Variants in PCDHA6 observed in about 807,000 individuals in gnomAD.
The protein encoded by PCDHA6 is protocadherin alpha 6.
Under a neutral mutation model 60.3 loss-of-function variants are expected in PCDHA6, and 55 were observed. That is an observed-to-expected ratio of 0.91 (90% confidence interval 0.73 to 1.14). The LOEUF is 1.14. PCDHA6 is among the 50% of genes most tolerant of loss of function. The pLI is 0.00. For missense variants in PCDHA6, 1,327 were observed against 1,256.5 expected, an observed-to-expected ratio of 1.06 and a Z score of -0.85; for synonymous variants, 652 against 557.9, an observed-to-expected ratio of 1.17 and a Z score of -2.38.
At chr5:140,960,508 A>C (rs1026528724) in intron 1 of PCDHA6, among the ~76,000 whole-genome samples, 10 of 152,190 alleles carry the variant, frequency 6.6e-5, no homozygotes, top group Non-Finnish European at 1.3e-4. Context: ...TCCAAGCAGC[A>C]AACATAATGG....
chr5:141,009,539 C>G lies in PCDHA6; in HGVS notation c.2543-88C>G, dbSNP rs141154047. 10,440 of 1,522,742 alleles carry G rather than the reference C, an allele frequency of 6.9e-3. 51 individuals are homozygous for G. Among genetic ancestry groups the G allele is most frequent in the Admixed American group, 0.011 (516 of 46,760 alleles). 94.3% of individuals were successfully genotyped at this position (1,522,742 alleles called of 1,614,324 possible). A position where few individuals can be genotyped will look rare whatever the true frequency, so the allele number is the denominator to read the frequency against. ...ATTTTTCTGGGGAGGTTCAGCCTGC[C>G]TATGCAGTACTCCTGTACTCTACCA... On this transcript the variant is annotated intron_variant, in intron 3 of 3. Transcript: ENST00000529310.
At chr5:140,883,395 A>G (rs892476136) in intron 1 of PCDHA6, 2 of 1,614,048 alleles carry the variant, frequency 1.2e-6, no homozygotes, top group African/African-American at 1.3e-5. Context: ...AGTGTGTCCG[A>G]TCGTGACTCT....
chr5:140,850,792 A>C (rs1280178447), intron 1 of PCDHA6: 1 of 1,598,354 alleles, frequency 6.3e-7, no homozygotes, highest in African/African-American at 1.3e-5. Flanking sequence ...GGTAAGCAGA[A>C]GACCGACCTC....
intron 1 of PCDHA6, among the ~76,000 whole-genome samples, chr5:140,937,827 G>A (rs1328688983): frequency 2.6e-5 from 4 of 151,564 alleles, no homozygotes; most frequent in Non-Finnish European, 5.9e-5. Context: ...CAGGAGAATG[G>A]CATGAACCTG....
intron 1 of PCDHA6, among the ~76,000 whole-genome samples, chr5:140,972,656 C>T (rs1428322208): frequency 6.9e-6 from 1 of 144,688 alleles, no homozygotes; most frequent in Non-Finnish European, 1.5e-5. Context: ...TAAAAAGAAA[C>T]CAAATTTTTT....
rs201090787 is a variant in PCDHA6, at chr5:140,876,840, G to A, written c.2394+46355G>A. On this transcript the variant is annotated intron_variant, in intron 1 of 3. Coordinates refer to ENST00000529310, the MANE Select transcript of PCDHA6 (RefSeq NM_018909.4). Reference sequence around the variant, plus strand: ...TGAACGACAATGCGCCTGCGTTCGCGCAGCCCGAGTACACAGTGTTCGTGA... The same window carrying A: ...TGAACGACAATGCGCCTGCGTTCGCACAGCCCGAGTACACAGTGTTCGTGA... 2.5e-6 allele frequency: 4 copies of A among 1,614,166 alleles called. No homozygotes were observed. In the East Asian group the frequency reaches 6.7e-5, roughly 27 times the overall value.
At chr5:140,927,133 G>A (rs2083881073) in intron 1 of PCDHA6, 16 of 1,613,984 alleles carry the variant, frequency 9.9e-6, no homozygotes, top group Non-Finnish European at 1.4e-5. Context: ...CAGAGAGCCG[G>A]CGGACCGCGA....
chr5:140,928,161 C>G (rs155820), intron 1 of PCDHA6: 543,775 of 1,613,884 alleles, frequency 0.34, 93,301 homozygotes, highest in East Asian at 0.51. Flanking sequence ...GTGGCTCACC[C>G]CCACTTAGCA....
intron 1 of PCDHA6, among the ~76,000 whole-genome samples, chr5:140,924,437 T>C (rs2081836231): frequency 6.6e-6 from 1 of 152,206 alleles, no homozygotes; most frequent in Non-Finnish European, 1.5e-5. Flanking sequence ...CTAGAAGAGA[T>C]AACGAATGGG....
rs2150156206 is a variant in PCDHA6 at position 140,828,508 on chromosome 5, A to G, written c.417A>G (p.Arg139=). The change falls in exon 1 of 4, where the codon AGA becomes AGG. Residue 139 remains arginine, a synonymous_variant. Coordinates refer to ENST00000529310, the MANE Select transcript of PCDHA6 (RefSeq NM_018909.4). ...CCTTGTTCCCGGTAGAGGAACAAAG[A>G]GTGCTGATTTACGAATCTAGGCTGC... ...NPPLFPVEEQ[R]VLIYESRLPD... 2.5e-6 allele frequency: 4 copies of G among 1,614,216 alleles called. No individual in the cohort carries two copies. The highest frequency in any genetic ancestry group is 3.4e-6 in the Non-Finnish European group (4 of 1,180,044).
intron 1 of PCDHA6, chr5:140,835,406 G>T: frequency 6.2e-7 from 1 of 1,613,974 alleles, no homozygotes; most frequent in Non-Finnish European, 8.5e-7. Context: ...TGGAAGTTGT[G>T]GATGTAAATG....
In PCDHA6 at chr5:140,870,774, G is replaced by T. The variant is rs782539037; in HGVS notation, c.2394+40289G>T. The T allele has an allele frequency of 2.9e-5, 47 of 1,613,632 alleles. 1 individual carries two copies. The South Asian group carries it at 3.8e-4, about 13-fold the overall frequency. On this transcript the variant is annotated intron_variant, in intron 1 of 3. Coordinates refer to ENST00000529310, the MANE Select transcript of PCDHA6 (RefSeq NM_018909.4). ...CGCTGCAGGTGTTCGTGCTGGACGA[G>T]AACGACAACGCGCCGGCACTGCTGG...
chr5:140,924,900 AAAAAAT>A (rs2082118159), intron 1 of PCDHA6, among the ~76,000 whole-genome samples: 2 of 63,328 alleles, frequency 3.2e-5, no homozygotes, highest in African/African-American at 5.4e-5. Flanking sequence ...GTCTCAAAAA[AAAAAAT>A]AAAATAAAAT....
chr5:140,928,217 C>T, intron 1 of PCDHA6: 2 of 1,614,212 alleles, frequency 1.2e-6, no homozygotes, highest in Non-Finnish European at 1.7e-6. Flanking sequence ...AATGACAATA[C>T]ACCAAACTTT....
chr5:140,851,517 A>C (rs1290684198), intron 1 of PCDHA6: 5 of 904,746 alleles, frequency 5.5e-6, no homozygotes, highest in Non-Finnish European at 4.0e-6. Flanking sequence ...AATATGTTTT[A>C]AAATGCCTGA....
rs142945176 is a variant in PCDHA6 at position 140,835,679 on chromosome 5, G to T, written c.2394+5194G>T. 2.3e-4 allele frequency: 379 copies of T among 1,613,738 alleles called. 3 individuals are homozygous for T. Among genetic ancestry groups the T allele is most frequent in the Non-Finnish European group, 3.0e-4 (359 of 1,179,882 alleles). On this transcript the variant is annotated intron_variant, in intron 1 of 3. Transcript: ENST00000529310. ...TGGTTACCGCGCGGGACGGGGGCTC[G>T]CCTTCTCTGTGGGCCACTGCTAGCG...
chr5:140,917,937 T>C (rs2078442259), intron 1 of PCDHA6, among the ~76,000 whole-genome samples: 1 of 152,186 alleles, frequency 6.6e-6, no homozygotes, highest in Non-Finnish European at 1.5e-5. Flanking sequence ...AAAAATAATA[T>C]TGGTAGTTTG....
chr5:140,843,362 AGGCAGTC>A, intron 1 of PCDHA6: 4 of 1,595,998 alleles, frequency 2.5e-6, no homozygotes, highest in Non-Finnish European at 3.4e-6. Context: ...AGCGTCATCG[AGGCAGTC>A]GGCTGGCGTT....
In PCDHA6 at chr5:140,887,671, A is replaced by G. The variant is rs1417615702; in HGVS notation, c.2394+57186A>G. Among the ~76,000 whole-genome samples, 4 of 152,008 alleles carry G rather than the reference A, an allele frequency of 2.6e-5. No homozygotes were observed. In the East Asian group the frequency reaches 7.7e-4, roughly 29 times the overall value. The stretch of plus-strand genomic sequence containing the variant: ...ATATTCTTGGATCTGTGGATTTATC[A>G]TTTTCATCAAATTCAGGAAAAAATC... On this transcript the variant is annotated intron_variant, in intron 1 of 3. Transcript: ENST00000529310.
Sources: allele counts gnomAD v4.1 joint callset (sites outside exome capture counted in the v4.1 genomes callset), GRCh38; gene constraint gnomAD v4.1.1; transcripts MANE v1.5; gene names NCBI Gene and HGNC (gene_info 2026-07-23, HGNC 2026-07-21).